PDE4B: variants seen among roughly 807,000 people sequenced by gnomAD.
The protein encoded by PDE4B is phosphodiesterase 4B.
A neutral mutation model predicts 82.2 loss-of-function variants in PDE4B; 20 were observed. The observed-to-expected ratio is 0.24, with a 90% CI of 0.17 to 0.35. PDE4B has a LOEUF of 0.35. PDE4B is among the 10% of genes least tolerant of loss of function. The pLI, the probability that PDE4B is intolerant of heterozygous loss-of-function variation, is 1.00. For synonymous variants in PDE4B, 320 were observed against 318.9 expected, an observed-to-expected ratio of 1.00 and a Z score of -0.04; for missense variants, 655 against 907.2, an observed-to-expected ratio of 0.72 and a Z score of 3.57.
chr1:66,142,681 G>A (rs1321531895), intron 3 of PDE4B, among the ~76,000 whole-genome samples: 1 of 152,160 alleles, frequency 6.6e-6, no homozygotes, highest in East Asian at 1.9e-4. Context: ...GTTACATACA[G>A]AGCATTTGCA....
At chr1:66,131,514 A>G (rs1251692625) in intron 3 of PDE4B, among the ~76,000 whole-genome samples, 1 of 145,532 alleles carries the variant, frequency 6.9e-6, no homozygotes, top group African/African-American at 2.5e-5. Context: ...AAAAATATGT[A>G]TATGTTGGCT....
chr1:65,904,200 A>C lies in PDE4B; in HGVS notation c.-70-9045A>C, dbSNP rs1331507604. On this transcript the variant is annotated intron_variant, in intron 1 of 16. Coordinates refer to ENST00000341517, the MANE Select transcript of PDE4B (RefSeq NM_002600.4). ...TTACTGTCTGTGTCCCATATACCCC[A>C]TGAAACATGTTTGAACAGCACTGTA... 3.9e-5 allele frequency among the ~76,000 whole-genome samples: 6 copies of C among 152,294 alleles called. No homozygotes were observed. The East Asian group carries it at 1.2e-3, about 29-fold the overall frequency.
intron 3 of PDE4B, among the ~76,000 whole-genome samples, chr1:66,196,730 A>G (rs978078976): frequency 6.8e-6 from 1 of 146,800 alleles, no homozygotes; most frequent in African/African-American, 2.5e-5. Context: ...AACACCGCAT[A>G]TTCTCACTCA....
intron 3 of PDE4B, among the ~76,000 whole-genome samples, chr1:66,075,424 C>T (rs12027416): frequency 0.081 from 12,239 of 151,944 alleles, 910 homozygotes; most frequent in East Asian, 0.26. Flanking sequence ...ATCTATTTTT[C>T]TAAGTGAGAT....
intron 3 of PDE4B, among the ~76,000 whole-genome samples, chr1:66,028,370 C>T (rs1653568983): frequency 1.3e-5 from 2 of 152,122 alleles, no homozygotes; most frequent in Non-Finnish European, 2.9e-5. Context: ...GGGCCTAGTC[C>T]ACAAAACCAC....
chr1:66,335,060 T>C (rs938226360), intron 8 of PDE4B, among the ~76,000 whole-genome samples: 2 of 152,256 alleles, frequency 1.3e-5, no homozygotes, highest in Non-Finnish European at 2.9e-5. Flanking sequence ...TCCATCCAAG[T>C]TGACATCTTA....
intron 3 of PDE4B, among the ~76,000 whole-genome samples, chr1:66,081,472 A>T (rs1436709455): frequency 6.6e-6 from 1 of 152,180 alleles, no homozygotes; most frequent in Non-Finnish European, 1.5e-5. Flanking sequence ...AGTCTCTTTG[A>T]AGTAATGTTT....
intron 3 of PDE4B, among the ~76,000 whole-genome samples, chr1:66,172,878 C>G (rs1441937262): frequency 6.6e-6 from 1 of 152,102 alleles, no homozygotes; most frequent in Non-Finnish European, 1.5e-5. Context: ...TTACACTTAT[C>G]CATTGAAATG....
chr1:65,861,633 T>A (rs1646455558), intron 1 of PDE4B, among the ~76,000 whole-genome samples: 1 of 152,226 alleles, frequency 6.6e-6, no homozygotes, highest in East Asian at 1.9e-4. Flanking sequence ...CTAAATTACT[T>A]TGGGCCATAA....
rs528045480 is a variant in PDE4B, at chr1:66,321,862, CA to C, written c.635-10644del. Reference sequence around the variant, plus strand: ...GGAACCAAAAAAGAGCCCGCATGGCCAAGACAATCCTAAGCCAAAAGAACAA... The same window carrying C: ...GGAACCAAAAAAGAGCCCGCATGGCCAGACAATCCTAAGCCAAAAGAACAA... On this transcript the variant is annotated intron_variant, in intron 7 of 16. Coordinates refer to ENST00000341517, the MANE Select transcript of PDE4B (RefSeq NM_002600.4). Among the ~76,000 whole-genome samples the C allele has an allele frequency of 4.1e-3, 619 of 151,660 alleles. 6 individuals carry two copies. The highest frequency in any genetic ancestry group is 7.1e-3 in the Non-Finnish European group (483 of 68,004).
chr1:66,217,024 C>T (rs888219669), intron 3 of PDE4B, among the ~76,000 whole-genome samples: 2 of 152,088 alleles, frequency 1.3e-5, no homozygotes, highest in African/African-American at 4.8e-5. Flanking sequence ...CTTCTTACAT[C>T]ATCATGTCTG....
chr1:66,119,413 T>C (rs1645662987), intron 3 of PDE4B, among the ~76,000 whole-genome samples: 1 of 152,226 alleles, frequency 6.6e-6, no homozygotes, highest in Non-Finnish European at 1.5e-5. Flanking sequence ...AAGCTGCCTC[T>C]GCAGCTGGCA....
intron 3 of PDE4B, among the ~76,000 whole-genome samples, chr1:66,024,713 A>T (rs1462420760): frequency 6.6e-6 from 1 of 152,042 alleles, no homozygotes; most frequent in Non-Finnish European, 1.5e-5. Context: ...CAGTAAATAG[A>T]TGGATAGATG....
At chr1:66,356,389 A>G (rs528762592) in intron 9 of PDE4B, among the ~76,000 whole-genome samples, 1 of 152,282 alleles carries the variant, frequency 6.6e-6, no homozygotes, top group South Asian at 2.1e-4. Flanking sequence ...TGTCTAACGA[A>G]CCTATTTGGA....
At chr1:66,194,186 C>T (rs908334636) in intron 3 of PDE4B, among the ~76,000 whole-genome samples, 3 of 152,016 alleles carry the variant, frequency 2.0e-5, no homozygotes, top group Non-Finnish European at 4.4e-5. Flanking sequence ...AAGCCAAATT[C>T]CCTGAACCTT....
intron 7 of PDE4B, among the ~76,000 whole-genome samples, chr1:66,271,032 C>T (rs1655436405): frequency 6.6e-6 from 1 of 152,142 alleles, no homozygotes; most frequent in Admixed American, 6.5e-5. Flanking sequence ...TCTAAAATAG[C>T]CCTCTTATGA....
chr1:66,094,845 T>G (rs1362685758), intron 3 of PDE4B, among the ~76,000 whole-genome samples: 1 of 151,972 alleles, frequency 6.6e-6, no homozygotes, highest in East Asian at 1.9e-4. Flanking sequence ...ATAAATATTA[T>G]GCCTCTGTTT....
chr1:66,039,459 C>T (rs1340051806), intron 3 of PDE4B, among the ~76,000 whole-genome samples: 1 of 151,994 alleles, frequency 6.6e-6, no homozygotes, highest in Non-Finnish European at 1.5e-5. Flanking sequence ...CAGAATAATA[C>T]ATACCAAAAT....
chr1:65,838,548 T>A (rs939709429), intron 1 of PDE4B, among the ~76,000 whole-genome samples: 2 of 147,884 alleles, frequency 1.4e-5, no homozygotes, highest in Non-Finnish European at 3.0e-5. Flanking sequence ...TGTGTATATA[T>A]GTATATATAT....
Sources: allele counts gnomAD v4.1 joint callset (sites outside exome capture counted in the v4.1 genomes callset), GRCh38; gene constraint gnomAD v4.1.1; transcripts MANE v1.5; gene names NCBI Gene and HGNC (gene_info 2026-07-23, HGNC 2026-07-21).